The following SYT1 variants were observed in gnomAD, a reference collection of about 807,000 sequenced individuals.
SYT1 encodes synaptotagmin-1.
A neutral mutation model predicts 44.8 loss-of-function variants in SYT1; 8 were observed. The observed-to-expected ratio is 0.18, with a 90% confidence interval of 0.10 to 0.32. SYT1 has a LOEUF of 0.32. Among genes scored for constraint, SYT1 ranks in the 10% least tolerant of loss-of-function variants. The pLI is 1.00. For missense variants in SYT1, 286 were observed against 509.3 expected (o/e 0.56, Z 4.22); for synonymous variants, 154 against 188.8 (o/e 0.82, Z 1.51).
chr12:79,040,089 G>A (rs934050771), intron 2 of SYT1, among the ~76,000 whole-genome samples: 35 of 152,130 alleles, frequency 2.3e-4, no homozygotes, highest in Admixed American at 6.6e-5. Context: ...ACATACGGGT[G>A]CATGTGTCTT....
At position 79,279,011 on chromosome 12, in the gene SYT1, T is replaced by TAA. The variant is rs201517841; in HGVS notation, c.167-6761_167-6760dup. Among the ~76,000 whole-genome samples, 180 of 128,130 alleles carry TAA rather than the reference T, an allele frequency of 1.4e-3. 2 individuals carry two copies. The highest frequency in any genetic ancestry group is 2.3e-3 in the Admixed American group (29 of 12,554). The allele number at this position is 128,130 out of a possible 152,430, so 84.1% of individuals were successfully genotyped here. On this transcript the variant is annotated intron_variant, in intron 4 of 10. Coordinates refer to ENST00000261205, the MANE Select transcript of SYT1 (RefSeq NM_005639.3). ...ACAAGTCTTGAAATTGAATTAATAC[T>TAA]AAAAAAAAAAAAAAAACCTCACAAC...
chr12:79,246,956 T>C (rs7132962), intron 4 of SYT1, among the ~76,000 whole-genome samples: 5,594 of 152,232 alleles, frequency 0.037, 204 homozygotes, highest in East Asian at 0.13. Context: ...TGACAGAGCA[T>C]TCAGTTATTG....
At chr12:79,307,505 G>A (rs1305377620) in intron 8 of SYT1, among the ~76,000 whole-genome samples, 1 of 152,112 alleles carries the variant, frequency 6.6e-6, no homozygotes, top group Non-Finnish European at 1.5e-5. Flanking sequence ...CTTCCGAGCT[G>A]GCGGGGCTGA....
At chr12:79,348,464 T>A (rs1387903125) in intron 8 of SYT1, among the ~76,000 whole-genome samples, 1 of 152,166 alleles carries the variant, frequency 6.6e-6, no homozygotes, top group African/African-American at 2.4e-5. Flanking sequence ...AATGAAGGCA[T>A]GTGGTCAGGT....
intron 3 of SYT1, among the ~76,000 whole-genome samples, chr12:79,127,203 C>T (rs1284244132): frequency 6.6e-6 from 1 of 152,260 alleles, no homozygotes; most frequent in Non-Finnish European, 1.5e-5. Context: ...GGTTGCTCAT[C>T]AGAGTGTTCC....
intron 3 of SYT1, among the ~76,000 whole-genome samples, chr12:79,122,641 G>C (rs567606339): frequency 2.0e-5 from 3 of 151,440 alleles, no homozygotes; most frequent in African/African-American, 7.3e-5. Flanking sequence ...TTCCAAATGT[G>C]ATGAGTAAGA....
intron 9 of SYT1, among the ~76,000 whole-genome samples, chr12:79,435,360 G>A (rs975492500): frequency 6.6e-6 from 1 of 152,080 alleles, no homozygotes. Flanking sequence ...TGGAGAATGG[G>A]GTCTTGCTAT....
intron 1 of SYT1, among the ~76,000 whole-genome samples, chr12:78,928,125 C>T (rs1353678536): frequency 1.3e-5 from 2 of 152,000 alleles, no homozygotes; most frequent in South Asian, 2.1e-4. Context: ...AGTATTTTTC[C>T]TTCTTGGCTG....
intron 2 of SYT1, among the ~76,000 whole-genome samples, chr12:78,997,686 A>G (rs891861497): frequency 7.0e-6 from 1 of 142,718 alleles, no homozygotes; most frequent in African/African-American, 2.6e-5. Flanking sequence ...TCTTTTTTTG[A>G]GAAATGAGGA....
chr12:79,033,370 A>G (rs576196664), intron 2 of SYT1, among the ~76,000 whole-genome samples: 38 of 151,502 alleles, frequency 2.5e-4, no homozygotes, highest in Non-Finnish European at 4.7e-4. Context: ...TTCCTCATGT[A>G]ATTTGTTGAA....
intron 2 of SYT1, among the ~76,000 whole-genome samples, chr12:78,986,775 T>C (rs902933224): frequency 3.3e-5 from 5 of 152,028 alleles, no homozygotes; most frequent in African/African-American, 1.2e-4. Flanking sequence ...TATGTCTCTC[T>C]ATAATAGAAT....
At chr12:78,902,343 A>G (rs146824474) in intron 1 of SYT1, among the ~76,000 whole-genome samples, 12 of 152,238 alleles carry the variant, frequency 7.9e-5, no homozygotes, top group African/African-American at 1.7e-4. Context: ...AAAGAATCCA[A>G]TTGAAAGCAA....
At chr12:79,223,560 T>G (rs1405005043) in intron 4 of SYT1, among the ~76,000 whole-genome samples, 1 of 152,144 alleles carries the variant, frequency 6.6e-6, no homozygotes, top group Non-Finnish European at 1.5e-5. Context: ...TCAGGGCAAC[T>G]GTGGCCATAA....
intron 5 of SYT1, among the ~76,000 whole-genome samples, chr12:79,287,232 T>C (rs1438255642): frequency 6.6e-6 from 1 of 152,222 alleles, no homozygotes; most frequent in Non-Finnish European, 1.5e-5. Flanking sequence ...ATGCCTGTAC[T>C]CATACTCAGA....
chr12:79,179,121 G>GATATATAGATATAGATATATCT (rs1872170058), intron 3 of SYT1, among the ~76,000 whole-genome samples: 3 of 122,002 alleles, frequency 2.5e-5, no homozygotes, highest in African/African-American at 6.7e-5. Context: ...TATAGATATA[G>GATATATAGATATAGATATATCT]ATATAGATAT....
intron 3 of SYT1, among the ~76,000 whole-genome samples, chr12:79,180,616 G>C (rs113104983): frequency 0.01 from 1,533 of 152,092 alleles, 29 homozygotes; most frequent in African/African-American, 0.035. Flanking sequence ...GGAGGAGCAG[G>C]CGTCTCACAT....
chr12:79,186,582 G>A (rs1252864044), intron 3 of SYT1, among the ~76,000 whole-genome samples: 3 of 151,946 alleles, frequency 2.0e-5, no homozygotes, highest in African/African-American at 7.2e-5. Flanking sequence ...ATCCATTTCA[G>A]TTAGTAAAAA....
chr12:78,897,186 T>G (rs1875409442), intron 1 of SYT1, among the ~76,000 whole-genome samples: 1 of 151,882 alleles, frequency 6.6e-6, no homozygotes, highest in Admixed American at 6.6e-5. Flanking sequence ...ATGTCATAAG[T>G]AGCTTTTATA....
intron 8 of SYT1, among the ~76,000 whole-genome samples, chr12:79,323,948 C>CTTTTTTTTTTT (rs56962075): frequency 1.8e-5 from 2 of 112,628 alleles, no homozygotes; most frequent in Non-Finnish European, 3.6e-5. Flanking sequence ...TTTCTATTTT[C>CTTTTTTTTTTT]TTTTTTTTTT....
Sources: allele counts gnomAD v4.1 joint callset (sites outside exome capture counted in the v4.1 genomes callset), GRCh38; gene constraint gnomAD v4.1.1; transcripts MANE v1.5; gene names NCBI Gene and HGNC (gene_info 2026-07-23, HGNC 2026-07-21).